ENTREP2: variants seen among roughly 807,000 people sequenced by gnomAD.
The protein encoded by ENTREP2 is protein ENTREP2.
the ENTREP2 span, among the ~76,000 whole-genome samples, chr15:29,330,118 T>G: frequency 6.6e-6 from 1 of 152,076 alleles, no homozygotes; most frequent in Non-Finnish European, 1.5e-5. Context: ...GCCTTACTGA[T>G]AGTATGTCCC....
chr15:29,389,662 T>G, the ENTREP2 span, among the ~76,000 whole-genome samples: 1 of 152,188 alleles, frequency 6.6e-6, no homozygotes, highest in South Asian at 2.1e-4. Context: ...AGCCCCTACC[T>G]TGCCGTGGGC....
At chr15:29,451,274 C>CCGGCCCT in the ENTREP2 span, among the ~76,000 whole-genome samples, 23 of 152,204 alleles carry the variant, frequency 1.5e-4, no homozygotes, top group East Asian at 2.5e-3. Context: ...AGCTCTCTGG[C>CCGGCCCT]CGGCCCTCGG....
chr15:29,322,762 C>T, the ENTREP2 span, among the ~76,000 whole-genome samples: 1 of 152,150 alleles, frequency 6.6e-6, no homozygotes, highest in East Asian at 1.9e-4. Context: ...GTGATGTGAC[C>T]ACACCCACCC....
the ENTREP2 span, chr15:29,136,390 C>T: frequency 1.1e-5 from 17 of 1,519,348 alleles, no homozygotes; most frequent in Non-Finnish European, 1.5e-5. Context: ...GCTGGCCCAC[C>T]ACCGCCTCGT....
At chr15:29,138,581 A>ATGTGCATATGTGTG in the ENTREP2 span, among the ~76,000 whole-genome samples, 2 of 151,606 alleles carry the variant, frequency 1.3e-5, no homozygotes, top group Non-Finnish European at 2.9e-5. Context: ...GTGCATGTGC[A>ATGTGCATATGTGTG]TGTGTCTGTG....
the ENTREP2 span, among the ~76,000 whole-genome samples, chr15:29,453,291 C>G: frequency 6.6e-6 from 1 of 152,190 alleles, no homozygotes; most frequent in Non-Finnish European, 1.5e-5. Context: ...CACGGCAGGA[C>G]AATTTCACAG....
At chr15:29,373,691 TAAG>T in the ENTREP2 span, 2 of 152,242 alleles carry the variant, frequency 1.3e-5, no homozygotes, top group East Asian at 1.9e-4. Context: ...TGTAGACAAA[TAAG>T]AATCATATAA....
chr15:29,157,712 A>G, the ENTREP2 span, among the ~76,000 whole-genome samples: 1 of 148,600 alleles, frequency 6.7e-6, no homozygotes, highest in South Asian at 2.2e-4. Flanking sequence ...ATTCAAAGTT[A>G]TAACTAAAAT....
chr15:29,138,215 A>G, the ENTREP2 span, among the ~76,000 whole-genome samples: 1 of 152,114 alleles, frequency 6.6e-6, no homozygotes, highest in Non-Finnish European at 1.5e-5. Flanking sequence ...TCTACTGGCC[A>G]ACCTTGAACA....
chr15:29,350,628 G>A, the ENTREP2 span, among the ~76,000 whole-genome samples: 1 of 152,126 alleles, frequency 6.6e-6, no homozygotes, highest in South Asian at 2.1e-4. Flanking sequence ...CCCACCAAAA[G>A]TTTTGCAATA....
At chr15:29,655,657 C>T in the ENTREP2 span, among the ~76,000 whole-genome samples, 14 of 152,044 alleles carry the variant, frequency 9.2e-5, no homozygotes, top group African/African-American at 2.9e-4. Context: ...ATACATGAGC[C>T]AATCATGAAT....
the ENTREP2 span, among the ~76,000 whole-genome samples, chr15:29,667,653 C>G: frequency 2.0e-5 from 3 of 151,838 alleles, no homozygotes; most frequent in South Asian, 6.2e-4. Context: ...GCCACCACGC[C>G]CAGCTAATTT....
chr15:29,176,289 G>C, the ENTREP2 span, among the ~76,000 whole-genome samples: 1 of 152,208 alleles, frequency 6.6e-6, no homozygotes, highest in African/African-American at 2.4e-5. Context: ...GTGGTGGGGG[G>C]GCACATTCAT....
chr15:29,403,956 C>T, the ENTREP2 span, among the ~76,000 whole-genome samples: 1 of 152,182 alleles, frequency 6.6e-6, no homozygotes, highest in African/African-American at 2.4e-5. Context: ...GGCCCGCAGG[C>T]TGCTCTCCCT....
the ENTREP2 span, among the ~76,000 whole-genome samples, chr15:29,417,172 GC>G: frequency 6.6e-6 from 1 of 152,302 alleles, no homozygotes; most frequent in African/African-American, 2.4e-5. Context: ...TATAAATCAT[GC>G]TGCTATAAAG....
the ENTREP2 span, among the ~76,000 whole-genome samples, chr15:29,493,125 C>CTTTTTTTTTTTTTTTTT: frequency 1.2e-5 from 1 of 84,774 alleles, no homozygotes; most frequent in African/African-American, 5.3e-5. Context: ...CCTGACAACC[C>CTTTTTTTTTTTTTTTTT]TTTTTTTTTT....
chr15:29,619,859 T>A, the ENTREP2 span, among the ~76,000 whole-genome samples: 1 of 151,930 alleles, frequency 6.6e-6, no homozygotes, highest in Non-Finnish European at 1.5e-5. Context: ...CTTTTCTGGT[T>A]TCTGGGCCAT....
the ENTREP2 span, among the ~76,000 whole-genome samples, chr15:29,444,698 C>A: frequency 5.3e-5 from 8 of 152,104 alleles, no homozygotes; most frequent in Non-Finnish European, 1.5e-5. Context: ...AACTCCTGAC[C>A]TTGTGATCCG....
the ENTREP2 span, chr15:29,123,699 A>G: frequency 2.0e-5 from 30 of 1,509,426 alleles, no homozygotes; most frequent in Non-Finnish European, 2.5e-5. Flanking sequence ...TCACTGAAAT[A>G]AGAAGTTAAC....
Sources: allele counts gnomAD v4.1 joint callset (sites outside exome capture counted in the v4.1 genomes callset), GRCh38; gene constraint gnomAD v4.1.1; transcripts MANE v1.5; gene names NCBI Gene and HGNC (gene_info 2026-07-23, HGNC 2026-07-21).